PITPNA: variants seen among roughly 807,000 people sequenced by gnomAD.
PITPNA encodes phosphatidylinositol transfer protein alpha isoform.
PITPNA carries 13 observed loss-of-function variants against 50.3 expected under a neutral mutation model. The ratio of observed to expected loss-of-function variants is 0.26; its 90% CI spans 0.17 to 0.41. The LOEUF (loss-of-function observed/expected upper bound fraction) is 0.41, where lower values mean the gene tolerates loss of function less well. Ranked by LOEUF, PITPNA falls within the 10% of genes least tolerant of loss-of-function variation. The pLI is 1.00. For synonymous variants in PITPNA, 120 were observed against 119.6 expected (o/e 1.00, Z -0.02); for missense variants, 207 against 333.4 (o/e 0.62, Z 2.95).
In PITPNA at chr17:1,548,309, G is replaced by T; in HGVS notation, c.276C>A (p.Pro92=). 6.2e-7 allele frequency: 1 copy of T among 1,607,548 alleles called. No individual in the cohort carries two copies. ...GGCTGCACTCACCGGTTCTGCAGTA[G>T]GGGTAAGCATTCCAGGCTTTCTCGT... ...NIHEKAWNAY[P]YCRTVITNEY... Residue 92 remains proline, a synonymous_variant, in exon 4 of 12, where the codon CCC becomes CCA. Transcript: ENST00000313486.
intron 4 of PITPNA, among the ~76,000 whole-genome samples, chr17:1,544,881 C>T (rs2075665176): frequency 6.6e-6 from 1 of 152,124 alleles, no homozygotes; most frequent in Non-Finnish European, 1.5e-5. Flanking sequence ...CCAACACTGT[C>T]TGTTGGGAGG....
chr17:1,541,485 G>A, intron 6 of PITPNA, 81 bp downstream of exon 6: 1 of 975,782 alleles, frequency 1.0e-6, no homozygotes, highest in South Asian at 1.3e-5. Context: ...ACCACAGAGA[G>A]GACCCCATGG....
rs191191101 is a variant in PITPNA at position 1,558,725 on chromosome 17, C to A, written c.21-166G>T. ...CCCTTTGAGTGCTCTGAGGACAGGA[C>A]CCTCTGTGCCCTAGAGGTGTAAGAC... On this transcript the variant is annotated intron_variant, in intron 1 of 11. Transcript: ENST00000313486. Among the ~76,000 whole-genome samples the A allele has an allele frequency of 4.5e-3, 681 of 150,056 alleles. 6 individuals are homozygous for A. Among genetic ancestry groups the A allele is most frequent in the Non-Finnish European group, 7.6e-3 (514 of 67,536 alleles).
At position 1,557,071 on chromosome 17, in the gene PITPNA, G is replaced by A. The variant is rs149446106; in HGVS notation, c.51+1458C>T. On this transcript the variant is annotated intron_variant, in intron 2 of 11. Transcript: ENST00000313486. ...CCCAGGTACATCCCCAGTGCCTACA[G>A]GGATTAGAGCCATCTACCCAGCCAT... is the stretch of plus-strand genomic sequence containing the variant. 3.1e-3 allele frequency among the ~76,000 whole-genome samples: 477 copies of A among 152,284 alleles called. 1 individual carries two copies. The highest frequency in any genetic ancestry group is 0.01 in the Middle Eastern group (3 of 294).
At chr17:1,535,684 GC>G in intron 7 of PITPNA, 166 bp from the exon 8 acceptor site, 1 of 627,070 alleles carries the variant, frequency 1.6e-6, no homozygotes, top group East Asian at 2.7e-5. Flanking sequence ...GTTTACATTA[GC>G]CTCAGAGGAG....
At chr17:1,539,839 C>T (rs1312148274) in intron 6 of PITPNA, among the ~76,000 whole-genome samples, 1 of 152,240 alleles carries the variant, frequency 6.6e-6, no homozygotes, top group Non-Finnish European at 1.5e-5. Context: ...CGGGTTCAAG[C>T]GATTATCCTA....
intron 10 of PITPNA, among the ~76,000 whole-genome samples, chr17:1,522,071 CTTTTT>C (rs1555530261): frequency 1.4e-5 from 2 of 141,670 alleles, no homozygotes; most frequent in Non-Finnish European, 3.1e-5. Flanking sequence ...TATGAAACAT[CTTTTT>C]TTTTTTGAGA....
intron 10 of PITPNA, among the ~76,000 whole-genome samples, chr17:1,524,226 A>G (rs938213537): frequency 8.0e-5 from 12 of 149,376 alleles, no homozygotes; most frequent in South Asian, 2.1e-4. Flanking sequence ...TTGTGTTTTT[A>G]GTAGAGACGG....
At chr17:1,530,906 G>A (rs115064528) in intron 10 of PITPNA, among the ~76,000 whole-genome samples, 1,937 of 152,274 alleles carry the variant, frequency 0.013, 42 homozygotes, top group African/African-American at 0.043. Flanking sequence ...CTCAGGAACT[G>A]GAAGCACCAG....
At chr17:1,542,594 G>C (rs1216636116) in intron 5 of PITPNA, among the ~76,000 whole-genome samples, 1 of 152,200 alleles carries the variant, frequency 6.6e-6, no homozygotes, top group East Asian at 1.9e-4. Flanking sequence ...GGGCGGGTGG[G>C]CAATGACAGA....
intron 3 of PITPNA, among the ~76,000 whole-genome samples, chr17:1,549,129 A>C (rs1389259188): frequency 2.0e-5 from 3 of 151,362 alleles, no homozygotes; most frequent in Non-Finnish European, 4.4e-5. Flanking sequence ...GCTGGTCTTG[A>C]ACTCCTGACC....
intron 6 of PITPNA, 101 bp downstream of exon 6, chr17:1,541,465 G>T: frequency 2.4e-6 from 2 of 840,402 alleles, no homozygotes; most frequent in Non-Finnish European, 4.1e-6. Context: ...TCCCGGCCAG[G>T]CAAAAGAGGA....
chr17:1,554,673 A>G (rs1444772086), intron 2 of PITPNA, among the ~76,000 whole-genome samples: 2 of 152,144 alleles, frequency 1.3e-5, no homozygotes, highest in Admixed American at 6.5e-5. Context: ...AACCTGCTCT[A>G]CCAGGCAGCT....
intron 4 of PITPNA, among the ~76,000 whole-genome samples, chr17:1,546,252 A>G (rs777130472): frequency 1.3e-5 from 2 of 152,050 alleles, no homozygotes; most frequent in African/African-American, 2.4e-5. Flanking sequence ...ACATCTGTGC[A>G]TCCCTCATTT....
At chr17:1,548,122 G>A (rs368619061) in intron 4 of PITPNA, among the ~76,000 whole-genome samples, 174 bp downstream of exon 4, 6 of 152,312 alleles carry the variant, frequency 3.9e-5, no homozygotes, top group African/African-American at 9.6e-5. Flanking sequence ...CGTGACGACC[G>A]GTGCTTCTCG....
At chr17:1,545,077 G>C (rs951189173) in intron 4 of PITPNA, among the ~76,000 whole-genome samples, 2 of 151,326 alleles carry the variant, frequency 1.3e-5, no homozygotes, top group Non-Finnish European at 2.9e-5. Context: ...TCCAGGAAGA[G>C]ATGGAAGGAG....
At chr17:1,544,352 G>C (rs575426071) in intron 4 of PITPNA, among the ~76,000 whole-genome samples, 1 of 152,288 alleles carries the variant, frequency 6.6e-6, no homozygotes, top group Admixed American at 6.5e-5. Flanking sequence ...ACTGGCGCTG[G>C]GGTTTTTACA....
chr17:1,551,092 A>ACGAAGGG (rs1269407659), intron 3 of PITPNA, among the ~76,000 whole-genome samples: 5 of 151,450 alleles, frequency 3.3e-5, no homozygotes, highest in Non-Finnish European at 7.4e-5. Flanking sequence ...CTGATGGGAC[A>ACGAAGGG]CGAAGGGCGA....
Position 1,533,871 on chromosome 17 carries a change from T to A in PITPNA, c.768+228A>T, listed in dbSNP as rs1369249501. Among the ~76,000 whole-genome samples the A allele has an allele frequency of 2.6e-5, 4 of 152,154 alleles. No homozygotes were observed. The East Asian group carries it at 7.7e-4, about 29-fold the overall frequency. Reference sequence around the variant, plus strand: ...CTTGGCATTCGGCACATACTGCCATTTTTGTCTCTGTGGGTATGCCAAGAC... The same window carrying A: ...CTTGGCATTCGGCACATACTGCCATATTTGTCTCTGTGGGTATGCCAAGAC... On this transcript the variant is annotated intron_variant, in intron 10 of 11. Coordinates refer to ENST00000313486, the MANE Select transcript of PITPNA (RefSeq NM_006224.4).
Sources: allele counts gnomAD v4.1 joint callset (sites outside exome capture counted in the v4.1 genomes callset), GRCh38; gene constraint gnomAD v4.1.1; transcripts MANE v1.5; gene names NCBI Gene and HGNC (gene_info 2026-07-23, HGNC 2026-07-21).